The following RNF38 variants were observed in gnomAD, a reference collection of about 807,000 sequenced individuals.
RNF38 encodes E3 ubiquitin-protein ligase RNF38.
Under a neutral mutation model 67.2 loss-of-function variants are expected in RNF38, and 15 were observed. The ratio of observed to expected loss-of-function variants is 0.22; its 90% CI spans 0.15 to 0.34. The LOEUF is 0.34. RNF38 is among the 10% of genes least tolerant of loss of function. The probability of loss-of-function intolerance (pLI) is 1.00; values close to 1 mark genes in which losing one functional copy is unlikely to be tolerated. For missense variants in RNF38, 524 were observed against 639.9 expected, an observed-to-expected ratio of 0.82 and a Z score of 1.95; for synonymous variants, 220 against 218.8, an observed-to-expected ratio of 1.01 and a Z score of -0.05.
At chr9:36,425,553 G>A (rs187912020) in intron 1 of RNF38, among the ~76,000 whole-genome samples, 186 of 152,166 alleles carry the variant, frequency 1.2e-3, no homozygotes, top group African/African-American at 4.2e-3. Context: ...AATTAGCCAC[G>A]CGTGGTGGCG....
At chr9:36,472,614 T>C (rs1840021011) in intron 1 of RNF38, among the ~76,000 whole-genome samples, 1 of 152,194 alleles carries the variant, frequency 6.6e-6, no homozygotes, top group Admixed American at 6.6e-5. Flanking sequence ...GATCATTTTC[T>C]AAATGGTACG....
chr9:36,467,833 G>A (rs1324007042), intron 1 of RNF38, among the ~76,000 whole-genome samples: 1 of 152,110 alleles, frequency 6.6e-6, no homozygotes, highest in Non-Finnish European at 1.5e-5. Context: ...GTAAAGAGAT[G>A]GCAAATACAA....
chr9:36,387,641 T>G (rs1836747502), intron 2 of RNF38, among the ~76,000 whole-genome samples: 1 of 152,220 alleles, frequency 6.6e-6, no homozygotes, highest in South Asian at 2.1e-4. Context: ...AATTTTATGT[T>G]AAGTATACCT....
chr9:36,407,345 A>G (rs1838207456), intron 2 of RNF38, among the ~76,000 whole-genome samples: 1 of 152,168 alleles, frequency 6.6e-6, no homozygotes, highest in African/African-American at 2.4e-5. Flanking sequence ...TGCAGGTGAG[A>G]GATGACTTGG....
intron 1 of RNF38, among the ~76,000 whole-genome samples, chr9:36,476,971 CAACA>C (rs972040767): frequency 1.3e-5 from 2 of 152,008 alleles, no homozygotes; most frequent in Non-Finnish European, 2.9e-5. Flanking sequence ...CTAATTACAG[CAACA>C]AAAAGGGCCA....
intron 1 of RNF38, among the ~76,000 whole-genome samples, chr9:36,476,808 G>A (rs1196560112): frequency 2.0e-5 from 3 of 152,052 alleles, no homozygotes; most frequent in Non-Finnish European, 4.4e-5. Flanking sequence ...GATTATAGCT[G>A]TTTCCTAATC....
At chr9:36,355,372 T>C (rs1387552386) in intron 6 of RNF38, among the ~76,000 whole-genome samples, 1 of 152,202 alleles carries the variant, frequency 6.6e-6, no homozygotes, top group East Asian at 1.9e-4. Context: ...TCCTGTGCCC[T>C]TCTTTGTACT....
At chr9:36,434,007 G>A (rs974794632) in intron 1 of RNF38, among the ~76,000 whole-genome samples, 1 of 151,774 alleles carries the variant, frequency 6.6e-6, no homozygotes, top group Non-Finnish European at 1.5e-5. Context: ...GGAGGCCAAG[G>A]CAGGTGGATC....
At chr9:36,345,264 A>G (rs1269062061) in intron 9 of RNF38, among the ~76,000 whole-genome samples, 1 of 152,220 alleles carries the variant, frequency 6.6e-6, no homozygotes, top group Non-Finnish European at 1.5e-5. Flanking sequence ...ACCTTGATCT[A>G]TCCATTACGC....
chr9:36,371,443 CTTTTTTTT>C (rs537986184), intron 3 of RNF38, among the ~76,000 whole-genome samples: 1 of 131,550 alleles, frequency 7.6e-6, no homozygotes, highest in Non-Finnish European at 1.6e-5. Flanking sequence ...GGACTAAAAG[CTTTTTTTT>C]TTTTTTTTTT....
intron 3 of RNF38, chr9:36,372,346 C>T (rs183858452): frequency 1.0e-4 from 55 of 545,954 alleles, no homozygotes; most frequent in Non-Finnish European, 1.6e-4. Flanking sequence ...CTCTAAAATT[C>T]GATCTTGCTT....
chr9:36,450,297 T>C (rs1839406970), intron 1 of RNF38, among the ~76,000 whole-genome samples: 1 of 152,160 alleles, frequency 6.6e-6, no homozygotes, highest in Non-Finnish European at 1.5e-5. Flanking sequence ...TCAAAAGGCT[T>C]AATAACTTTT....
At chr9:36,361,846 T>C (rs1242628031) in intron 4 of RNF38, among the ~76,000 whole-genome samples, 1 of 152,166 alleles carries the variant, frequency 6.6e-6, no homozygotes, top group East Asian at 1.9e-4. Flanking sequence ...TGACTCCTGC[T>C]TGGAGGTTTA....
At chr9:36,387,932 A>G (rs1836767934) in intron 2 of RNF38, among the ~76,000 whole-genome samples, 1 of 152,116 alleles carries the variant, frequency 6.6e-6, no homozygotes, top group Non-Finnish European at 1.5e-5. Context: ...GCAAAAAGAA[A>G]GGAGACAAGC....
intron 1 of RNF38, among the ~76,000 whole-genome samples, chr9:36,446,383 T>A (rs762534295): frequency 6.6e-6 from 1 of 152,240 alleles, no homozygotes; most frequent in Non-Finnish European, 1.5e-5. Flanking sequence ...ACAGTTTACA[T>A]GAAATGCTTT....
chr9:36,411,349 A>T (rs1329891780), intron 2 of RNF38, among the ~76,000 whole-genome samples: 1 of 152,168 alleles, frequency 6.6e-6, no homozygotes, highest in African/African-American at 2.4e-5. Flanking sequence ...CACTATGAAA[A>T]ACAGTATGGC....
upstream of RNF38, chr9:36,400,997 G>A: frequency 1.0e-6 from 1 of 984,338 alleles, no homozygotes; most frequent in Non-Finnish European, 1.2e-6. Context: ...TCCGCTGCGC[G>A]CGCAGGCGAC....
chr9:36,408,266 AT>A (rs35564069), intron 2 of RNF38, among the ~76,000 whole-genome samples: 136 of 134,708 alleles, frequency 1.0e-3, no homozygotes, highest in South Asian at 2.2e-3. Context: ...AACAGACTTA[AT>A]TTTTTTTTTT....
intron 2 of RNF38, 76 bp downstream of exon 2, chr9:36,390,391 T>C (rs1435973445): frequency 5.4e-6 from 7 of 1,286,844 alleles, no homozygotes; most frequent in African/African-American, 1.5e-5. Context: ...TTGGGCATTT[T>C]GTTTCAAGCC....
Sources: allele counts gnomAD v4.1 joint callset (sites outside exome capture counted in the v4.1 genomes callset), GRCh38; gene constraint gnomAD v4.1.1; transcripts MANE v1.5; gene names NCBI Gene and HGNC (gene_info 2026-07-23, HGNC 2026-07-21).